Variants in RTN1 observed in about 807,000 individuals in gnomAD.
RTN1 encodes reticulon-1.
RTN1 carries 25 observed loss-of-function variants against 65.5 expected under a neutral mutation model. That is an observed-to-expected ratio of 0.38 (90% CI 0.28 to 0.53). The LOEUF (loss-of-function observed/expected upper bound fraction) is 0.53. Ranked by LOEUF, RTN1 falls within the 20% of genes least tolerant of loss-of-function variation. The pLI, the probability that RTN1 is intolerant of heterozygous loss-of-function variation, is 0.79. For missense variants in RTN1, 983 were observed against 1,025.4 expected (o/e 0.96, Z 0.57); for synonymous variants, 471 against 447.6 (o/e 1.05, Z -0.66).
chr14:59,688,305 C>A, intron 3 of RTN1, among the ~76,000 whole-genome samples: 1 of 152,188 alleles, frequency 6.6e-6, no homozygotes, highest in Non-Finnish European at 1.5e-5. Flanking sequence ...TCAGCCACTC[C>A]CCACCACCAT....
At chr14:59,630,631 CACCA>C in intron 3 of RTN1, 5 of 1,383,116 alleles carry the variant, frequency 3.6e-6, no homozygotes, top group Non-Finnish European at 4.7e-6. Context: ...ACTGAGGCTG[CACCA>C]GGCGGCGCGC....
Position 59,618,222 on chromosome 14 carries a change from G to C in RTN1, c.1766-10730C>G, listed in dbSNP as rs539951589. 2.1e-4 allele frequency among the ~76,000 whole-genome samples: 32 copies of C among 152,320 alleles called. No individual in the cohort carries two copies. In the South Asian group the frequency reaches 6.0e-3, roughly 29 times the overall value. On this transcript the variant is annotated intron_variant, in intron 3 of 8. Coordinates refer to ENST00000267484, the MANE Select transcript of RTN1 (RefSeq NM_021136.3). ...GATTGCCTTTGCAGGACTAACATTA[G>C]CCATAAGATGAGAAATTATGGTTTA... is the stretch of plus-strand genomic sequence containing the variant.
rs1566713952 is a variant in RTN1 at position 59,750,495 on chromosome 14, TTATATCTATAATATATATAA to T, written c.242-4034_242-4015del. On this transcript the variant is annotated intron_variant, in intron 1 of 8. Coordinates refer to ENST00000267484, the MANE Select transcript of RTN1 (RefSeq NM_021136.3). ...ATATAATATATCTATAATATATATATTATATCTATAATATATATAATATATCTATAATATATATAATATAT... is the reference window on the plus strand; with the variant it reads ...ATATAATATATCTATAATATATATATTATATCTATAATATATATAATATAT... 2.2e-3 allele frequency among the ~76,000 whole-genome samples: 59 copies of T among 26,872 alleles called. 4 individuals carry two copies. The highest frequency in any genetic ancestry group is 6.0e-3 in the African/African-American group (51 of 8,486). 17.6% of individuals were successfully genotyped at this position (26,872 alleles called of 152,430 possible).
intron 1 of RTN1, among the ~76,000 whole-genome samples, chr14:59,826,714 A>G (rs1267318412): frequency 6.6e-6 from 1 of 152,236 alleles, no homozygotes; most frequent in Non-Finnish European, 1.5e-5. Flanking sequence ...GGCAGCACAC[A>G]GGTTTTCATC....
rs746333824 is a variant in RTN1 at position 59,797,933 on chromosome 14, CACT to C, written c.242-51455_242-51453del. ...AGTCAAATACGAGTTTAGTTAGTAACACTGCCATTGGTCCTTTATAATATCACT... is the reference window on the plus strand; with the variant it reads ...AGTCAAATACGAGTTTAGTTAGTAACGCCATTGGTCCTTTATAATATCACT... On this transcript the variant is annotated intron_variant, in intron 1 of 8. Coordinates refer to ENST00000267484, the MANE Select transcript of RTN1 (RefSeq NM_021136.3). Among the ~76,000 whole-genome samples the C allele has an allele frequency of 3.9e-4, 59 of 152,140 alleles. 1 individual carries two copies. The highest frequency in any genetic ancestry group is 6.3e-3 in the Middle Eastern group (2 of 316).
chr14:59,869,242 T>G (rs560745347), intron 1 of RTN1, among the ~76,000 whole-genome samples: 1 of 150,672 alleles, frequency 6.6e-6, no homozygotes, highest in South Asian at 2.1e-4. Flanking sequence ...CGAAAAGGGG[T>G]TTCTTTAAAT....
chr14:59,637,736 A>C (rs1015230090), intron 3 of RTN1, among the ~76,000 whole-genome samples: 12 of 151,786 alleles, frequency 7.9e-5, no homozygotes, highest in Non-Finnish European at 2.9e-5. Context: ...AATTGGAATC[A>C]ACATTTTCCA....
rs545982382 is a variant in RTN1, at chr14:59,866,868, C to T, written c.241+3522G>A. ...ACATCCAAAAGTGAAGACAGTTAAT[C>T]TAGCCTCCAAATGGAATTTAGAAGA... On this transcript the variant is annotated intron_variant, in intron 1 of 8. Transcript: ENST00000267484. Among the ~76,000 whole-genome samples, 7 of 152,308 alleles carry T rather than the reference C, an allele frequency of 4.6e-5. No homozygotes were observed. In the South Asian group the frequency reaches 1.4e-3, roughly 32 times the overall value.
At chr14:59,811,022 T>A (rs952890492) in intron 1 of RTN1, among the ~76,000 whole-genome samples, 1 of 152,182 alleles carries the variant, frequency 6.6e-6, no homozygotes, top group Non-Finnish European at 1.5e-5. Flanking sequence ...CTTCTATATA[T>A]GTGTAAGTCT....
chr14:59,707,063 C>A (rs1253207092), intron 3 of RTN1, among the ~76,000 whole-genome samples: 1 of 152,210 alleles, frequency 6.6e-6, no homozygotes, highest in Non-Finnish European at 1.5e-5. Flanking sequence ...AACTGAAGAA[C>A]TGCTGAATTC....
intron 1 of RTN1, among the ~76,000 whole-genome samples, chr14:59,777,247 G>T (rs555824145): frequency 6.6e-6 from 1 of 152,188 alleles, no homozygotes; most frequent in Admixed American, 6.5e-5. Flanking sequence ...ATCTTCTCTT[G>T]GTTTAGAAAC....
chr14:59,717,613 G>A (rs966398852), intron 3 of RTN1, among the ~76,000 whole-genome samples: 9 of 152,150 alleles, frequency 5.9e-5, no homozygotes, highest in Admixed American at 1.3e-4. Flanking sequence ...GGCATTGTGG[G>A]GTGGAGAGAT....
intron 1 of RTN1, among the ~76,000 whole-genome samples, chr14:59,866,984 T>C (rs1195558399): frequency 2.0e-5 from 3 of 152,200 alleles, no homozygotes; most frequent in Admixed American, 1.3e-4. Context: ...AAAATGCTTT[T>C]TGTAATTATC....
At chr14:59,629,917 A>G (rs1269521534) in intron 3 of RTN1, among the ~76,000 whole-genome samples, 1 of 152,222 alleles carries the variant, frequency 6.6e-6, no homozygotes, top group Non-Finnish European at 1.5e-5. Flanking sequence ...CTACGCCATC[A>G]TATTTTCAGG....
chr14:59,762,598 C>T (rs546655957), intron 1 of RTN1, among the ~76,000 whole-genome samples: 78 of 152,286 alleles, frequency 5.1e-4, no homozygotes, highest in South Asian at 3.5e-3. Context: ...GGAGACTTAA[C>T]GGTTTGTGGC....
At chr14:59,824,294 G>A (rs1826294851) in intron 1 of RTN1, among the ~76,000 whole-genome samples, 1 of 152,112 alleles carries the variant, frequency 6.6e-6, no homozygotes, top group Non-Finnish European at 1.5e-5. Flanking sequence ...ATTCTACCAT[G>A]TTCTTCATTA....
rs2140224831 is a variant in RTN1, at chr14:59,685,995, A to G, written c.1765+40924T>C. ...GACAGATAAACCAATGGAACAGAAT[A>G]GAAAGCCCAGAGATAAATCCATGCA... On this transcript the variant is annotated intron_variant, in intron 3 of 8. Transcript: ENST00000267484. Among the ~76,000 whole-genome samples the G allele has an allele frequency of 1.3e-5, 2 of 152,386 alleles. 1 individual carries two copies. Among genetic ancestry groups the G allele is most frequent in the Middle Eastern group, 6.8e-3 (2 of 294 alleles).
At chr14:59,735,449 A>T (rs1158343062) in intron 2 of RTN1, among the ~76,000 whole-genome samples, 1 of 152,152 alleles carries the variant, frequency 6.6e-6, no homozygotes, top group Admixed American at 6.6e-5. Flanking sequence ...TGGCAGGCTG[A>T]ATAAAGAACC....
chr14:59,708,072 C>G (rs1884336706), intron 3 of RTN1, among the ~76,000 whole-genome samples: 1 of 152,156 alleles, frequency 6.6e-6, no homozygotes, highest in African/African-American at 2.4e-5. Flanking sequence ...TAAAAACATA[C>G]AGATGAAAAA....
Sources: gnomAD v4.1 joint callset for allele counts (sites outside exome capture counted in the v4.1 genomes callset) on GRCh38, gnomAD v4.1.1 for gene constraint, MANE v1.5 for transcripts, NCBI Gene and HGNC (gene_info 2026-07-23, HGNC 2026-07-21) for gene names.